Variants in SUMF1 observed in about 807,000 individuals in gnomAD.
SUMF1 encodes the protein sulfatase modifying factor 1.
A neutral mutation model predicts 47.6 loss-of-function variants in SUMF1; 48 were observed. That is an observed-to-expected ratio of 1.01 (90% CI 0.80 to 1.28). The LOEUF is 1.28. Among genes scored for constraint, SUMF1 ranks in the 50% most tolerant of loss-of-function variants. SUMF1 has a pLI of 0.00. For synonymous variants in SUMF1, 230 were observed against 192.1 expected (o/e 1.20, Z -1.63); for missense variants, 571 against 485.4 (o/e 1.18, Z -1.66).
chr3:4,336,379 T>C (rs1575108197), intron 8 of SUMF1, among the ~76,000 whole-genome samples: 1 of 152,194 alleles, frequency 6.6e-6, no homozygotes, highest in African/African-American at 2.4e-5. Flanking sequence ...CCATTGTGTA[T>C]TGTCTCGTGC....
intron 8 of SUMF1, among the ~76,000 whole-genome samples, chr3:4,218,077 A>AGAGGCTTT (rs1288178816): frequency 6.6e-6 from 1 of 152,116 alleles, no homozygotes. Context: ...AGGATTTCTC[A>AGAGGCTTT]GAGGCTTTAA....
intron 8 of SUMF1, among the ~76,000 whole-genome samples, chr3:4,136,668 A>C (rs949421385): frequency 6.6e-6 from 1 of 150,486 alleles, no homozygotes; most frequent in African/African-American, 2.5e-5. Flanking sequence ...AGAAACTACC[A>C]TCAGAGTGAA....
intron 8 of SUMF1, among the ~76,000 whole-genome samples, chr3:4,089,019 C>T (rs948099367): frequency 2.0e-5 from 3 of 152,102 alleles, no homozygotes; most frequent in African/African-American, 4.8e-5. Context: ...CAATGACTCT[C>T]AACCAGGTAT....
At chr3:4,095,275 C>A (rs561463498) in intron 8 of SUMF1, among the ~76,000 whole-genome samples, 3 of 152,064 alleles carry the variant, frequency 2.0e-5, no homozygotes, top group African/African-American at 7.3e-5. Flanking sequence ...CATAGGGCAC[C>A]ATAAGCAACA....
At chr3:4,331,013 G>T (rs1482847170) in intron 8 of SUMF1, among the ~76,000 whole-genome samples, 1 of 152,040 alleles carries the variant, frequency 6.6e-6, no homozygotes, top group East Asian at 1.9e-4. Flanking sequence ...AATATTTACT[G>T]TATAGAAAAA....
At chr3:4,084,931 C>A (rs1181771907) in intron 8 of SUMF1, among the ~76,000 whole-genome samples, 1 of 152,028 alleles carries the variant, frequency 6.6e-6, no homozygotes, top group Non-Finnish European at 1.5e-5. Flanking sequence ...TTCAAACAGA[C>A]CATCTTGAAT....
At chr3:4,458,837 C>CA (rs2079736067) in intron 1 of SUMF1, among the ~76,000 whole-genome samples, 2 of 152,052 alleles carry the variant, frequency 1.3e-5, no homozygotes, top group South Asian at 4.1e-4. Context: ...GCCTGGGCAA[C>CA]AGAGCTAGAT....
chr3:4,134,700 A>G (rs907306903), intron 8 of SUMF1, among the ~76,000 whole-genome samples: 1 of 152,136 alleles, frequency 6.6e-6, no homozygotes, highest in African/African-American at 2.4e-5. Context: ...TTTTGAAAAG[A>G]TCAACAAAAT....
intron 8 of SUMF1, among the ~76,000 whole-genome samples, chr3:4,374,829 T>G (rs1700273544): frequency 1.3e-5 from 2 of 152,106 alleles, no homozygotes; most frequent in African/African-American, 4.8e-5. Flanking sequence ...GTAAATATAT[T>G]GGGAAGACCT....
intron 8 of SUMF1, among the ~76,000 whole-genome samples, chr3:4,178,154 C>G (rs1358157489): frequency 6.6e-6 from 1 of 152,108 alleles, no homozygotes; most frequent in Non-Finnish European, 1.5e-5. Context: ...CTATTCCAAT[C>G]AATAGAAAAA....
chr3:4,100,827 T>C (rs1693014997), intron 8 of SUMF1, among the ~76,000 whole-genome samples: 1 of 151,664 alleles, frequency 6.6e-6, no homozygotes, highest in Admixed American at 6.6e-5. Flanking sequence ...ATAACCCCAT[T>C]TAAAAAATGG....
intron 8 of SUMF1, among the ~76,000 whole-genome samples, chr3:4,125,809 A>G (rs1693643316): frequency 6.6e-6 from 1 of 152,108 alleles, no homozygotes; most frequent in Admixed American, 6.6e-5. Context: ...TCTGGGTAGC[A>G]GGGACTACAG....
At chr3:4,322,009 AAC>A (rs1403148324) in intron 8 of SUMF1, among the ~76,000 whole-genome samples, 1 of 152,182 alleles carries the variant, frequency 6.6e-6, no homozygotes, top group Non-Finnish European at 1.5e-5. Context: ...CCAAACCCAT[AAC>A]CCAAGACTAA....
At chr3:4,080,012 T>C (rs1234561289) in intron 8 of SUMF1, among the ~76,000 whole-genome samples, 1 of 151,962 alleles carries the variant, frequency 6.6e-6, no homozygotes, top group Non-Finnish European at 1.5e-5. Flanking sequence ...TCCTTATCTG[T>C]ATAATAAATG....
At chr3:4,311,463 T>C (rs928887909) in intron 8 of SUMF1, among the ~76,000 whole-genome samples, 4 of 152,224 alleles carry the variant, frequency 2.6e-5, no homozygotes, top group Admixed American at 1.3e-4. Flanking sequence ...CAGCAGCCTT[T>C]ACTGGGGACC....
intron 8 of SUMF1, among the ~76,000 whole-genome samples, chr3:4,308,021 C>T (rs1032519785): frequency 2.0e-5 from 3 of 151,442 alleles, no homozygotes; most frequent in South Asian, 4.2e-4. Flanking sequence ...TGGGCAGCAA[C>T]GTCTTAAAAA....
At chr3:4,322,560 T>C (rs1440501420) in intron 8 of SUMF1, among the ~76,000 whole-genome samples, 2 of 151,864 alleles carry the variant, frequency 1.3e-5, no homozygotes, top group Non-Finnish European at 2.9e-5. Flanking sequence ...CTTAGGGGTC[T>C]GAAGCAGGAG....
intron 8 of SUMF1, among the ~76,000 whole-genome samples, chr3:4,113,396 G>A (rs539024061): frequency 1.3e-5 from 2 of 152,030 alleles, no homozygotes; most frequent in African/African-American, 4.8e-5. Flanking sequence ...AGGCATGGTG[G>A]CTTGCACCTG....
chr3:4,070,882 C>G (rs182049761), intron 8 of SUMF1, among the ~76,000 whole-genome samples: 1 of 152,148 alleles, frequency 6.6e-6, no homozygotes, highest in East Asian at 1.9e-4. Context: ...CCACCCACCT[C>G]GGCCTCCCAA....
Sources: allele counts gnomAD v4.1 joint callset (sites outside exome capture counted in the v4.1 genomes callset), GRCh38; gene constraint gnomAD v4.1.1; transcripts MANE v1.5; gene names NCBI Gene and HGNC (gene_info 2026-07-23, HGNC 2026-07-21).